Variants in SLC6A8 observed in about 807,000 individuals in gnomAD.
The protein encoded by SLC6A8 is solute carrier family 6 member 8.
A neutral mutation model predicts 48.3 loss-of-function variants in SLC6A8; 6 were observed. The observed-to-expected ratio is 0.12, with a 90% CI of 0.07 to 0.25. The LOEUF is 0.25. SLC6A8 is among the 10% of genes least tolerant of loss of function. The probability of loss-of-function intolerance (pLI) is 1.00; values close to 1 mark genes in which losing one functional copy is unlikely to be tolerated. For synonymous variants in SLC6A8, 245 were observed against 244.0 expected, an observed-to-expected ratio of 1.00 and a Z score of -0.04; for missense variants, 260 against 551.5, an observed-to-expected ratio of 0.47 and a Z score of 5.29.
Position 153,693,077 on chromosome X carries a change from C to T in SLC6A8, c.814C>T (p.Leu272=), listed in dbSNP as rs1569539342. ...CACTGCTACATTCCCCTACGTGGTC[C>T]TGGTCGTGCTGCTGGTGCGTGGAGT... The part of the protein sequence containing the change: ...YFTATFPYVV[L]VVLLVRGVLL... Residue 272 remains leucine, a synonymous_variant, in exon 5 of 13, where the codon CTG becomes TTG. Transcript: ENST00000253122. 8.3e-7 allele frequency: 1 copy of T among 1,210,972 alleles called. No individual in the cohort carries two copies.
At position 153,696,431 on chromosome X, in the gene SLC6A8, A is replaced by G. The variant is rs781992671; in HGVS notation, c.*1217A>G. 9.1e-6 allele frequency: 3 copies of G among 330,444 alleles called. No homozygotes were observed. Among genetic ancestry groups the G allele is most frequent in the Non-Finnish European group, 1.8e-5 (3 of 169,894 alleles). The allele number at this position is 330,444 out of a possible 1,213,427, so 27.2% of individuals were successfully genotyped here. On this transcript the variant is annotated 3_prime_UTR_variant, in exon 13 of 13. Coordinates refer to ENST00000253122, the MANE Select transcript of SLC6A8 (RefSeq NM_005629.4). Reference sequence around the variant, plus strand: ...TAACCCACGTTTGTCTGTCACGTCCAGTCCCGAGACGGCTGAGTGACCCCA... The same window carrying G: ...TAACCCACGTTTGTCTGTCACGTCCGGTCCCGAGACGGCTGAGTGACCCCA...
Position 153,693,249 on chromosome X carries a change from C to T in SLC6A8, c.913-14C>T, listed in dbSNP as rs368054317. On this transcript the variant is annotated splice_polypyrimidine_tract_variant and intron_variant, in intron 5 of 12. Coordinates refer to ENST00000253122, the MANE Select transcript of SLC6A8 (RefSeq NM_005629.4). ...GCAGGCCCCTCATGCCTGCGCTCTC[C>T]GGCCCTTCTCTAGGTGTGGATAGAT... 1.9e-5 allele frequency: 23 copies of T among 1,208,320 alleles called. No individual in the cohort carries two copies. Among genetic ancestry groups the T allele is most frequent in the Admixed American group, 1.1e-4 (5 of 45,993 alleles).
intron 2 of SLC6A8, 69 bp from the exon 3 acceptor site, chrX:153,691,235 G>A: frequency 3.6e-6 from 4 of 1,122,799 alleles, no homozygotes; most frequent in Non-Finnish European, 4.8e-6. Context: ...GCCTGGGTGG[G>A]GACATAAAGG....
At chrX:153,693,737 T>G (rs1457018397) in intron 7 of SLC6A8, 151 bp downstream of exon 7, 30 of 831,872 alleles carry the variant, frequency 3.6e-5, no homozygotes, top group South Asian at 3.1e-4. Context: ...TCCTGGGATT[T>G]GTCAATGTTG....
Position 153,688,694 on chromosome X carries a change from G to C in SLC6A8, c.120G>C (p.Leu40=). 1 of 1,118,769 alleles carries C rather than the reference G, an allele frequency of 8.9e-7. No homozygotes were observed. The highest frequency in any genetic ancestry group is 1.2e-6 in the Non-Finnish European group (1 of 847,288). 92.2% of individuals were successfully genotyped at this position (1,118,769 alleles called of 1,213,427 possible). ...APAKGDGPVG[L]GTPGGRLAVP... ...CCAAGGGCGACGGCCCCGTGGGCCT[G>C]GGGACACCCGGCGGCCGCCTGGCCG... Residue 40 remains leucine (L), a synonymous_variant, in exon 1 of 13, where the codon CTG becomes CTC. Coordinates refer to ENST00000253122, the MANE Select transcript of SLC6A8 (RefSeq NM_005629.4).
chrX:153,693,411 C>T lies in SLC6A8; in HGVS notation c.1016+45C>T, dbSNP rs369760320. Reference sequence around the variant, plus strand: ...CACCCGTGCCCTGTCCTGCCCTGCCCCGCCCTGCCCAGCAGCCTAACCCAT... The same window carrying T: ...CACCCGTGCCCTGTCCTGCCCTGCCTCGCCCTGCCCAGCAGCCTAACCCAT... On this transcript the variant is annotated intron_variant, in intron 6 of 12. Transcript: ENST00000253122. 4 of 1,207,432 alleles carry T rather than the reference C, an allele frequency of 3.3e-6. No homozygotes were observed. In the African/African-American group the frequency reaches 7.0e-5, roughly 21 times the overall value.
At chrX:153,693,198 G>A (rs782463129) in intron 5 of SLC6A8, 23 bp downstream of exon 5, 20 of 1,209,342 alleles carry the variant, frequency 1.7e-5, no homozygotes, top group Non-Finnish European at 2.0e-5. Context: ...TGGAGAGGCT[G>A]CAGCAGGGCG....
Position 153,694,120 on chromosome X carries a change from C to T in SLC6A8, c.1255-10C>T. On this transcript the variant is annotated splice_polypyrimidine_tract_variant and intron_variant, in intron 8 of 12. Coordinates refer to ENST00000253122, the MANE Select transcript of SLC6A8 (RefSeq NM_005629.4). Reference sequence around the variant, plus strand: ...GGTGCGGGGCTCGGCCTGAGCTGCCCTGGCCACAGTTTGTAGGTGTGGAGG... The same window carrying T: ...GGTGCGGGGCTCGGCCTGAGCTGCCTTGGCCACAGTTTGTAGGTGTGGAGG... 1 of 1,210,753 alleles carries T rather than the reference C, an allele frequency of 8.3e-7. No individual in the cohort carries two copies. Among genetic ancestry groups the T allele is most frequent in the Non-Finnish European group, 1.1e-6 (1 of 894,811 alleles).
chrX:153,693,417 T>C lies in SLC6A8; in HGVS notation c.1017-45T>C, dbSNP rs782437746. ...TGCCCTGTCCTGCCCTGCCCCGCCCTGCCCAGCAGCCTAACCCATCCACTC... is the reference window on the plus strand; with the variant it reads ...TGCCCTGTCCTGCCCTGCCCCGCCCCGCCCAGCAGCCTAACCCATCCACTC... On this transcript the variant is annotated intron_variant, in intron 6 of 12. Transcript: ENST00000253122. 3.3e-6 allele frequency: 4 copies of C among 1,206,980 alleles called. No individual in the cohort carries two copies. In the East Asian group the frequency reaches 1.2e-4, roughly 36 times the overall value.
Position 153,691,573 on chromosome X carries a change from G to A in SLC6A8, c.644+20G>A, listed in dbSNP as rs782635587. 5.4e-5 allele frequency: 65 copies of A among 1,209,360 alleles called. No homozygotes were observed. The South Asian group carries it at 1.0e-3, about 19-fold the overall frequency. On this transcript the variant is annotated intron_variant, in intron 3 of 12. Transcript: ENST00000253122. ...CTGGGAGTGAGTCCGGCACCTCTGG[G>A]CCAAGCCCATCCCATCCCCCAGGTC...
chrX:153,695,840 GAGAGTATAT>G lies in SLC6A8; in HGVS notation c.*628_*636del, dbSNP rs1460456969. The G allele has an allele frequency of 7.4e-6, 1 of 135,886 alleles. No homozygotes were observed. Among genetic ancestry groups the G allele is most frequent in the Non-Finnish European group, 1.5e-5 (1 of 67,349 alleles). 11.2% of individuals were successfully genotyped at this position (135,886 alleles called of 1,213,427 possible). A position where few individuals can be genotyped will look rare whatever the true frequency, so the allele number is the denominator to read the frequency against. ...GCGAGTGCACGCGTGCGTGAGTACG[GAGAGTATAT>G]ATAGATCTCTATCTCTTAGCAAAGG... On this transcript the variant is annotated 3_prime_UTR_variant, in exon 13 of 13. Transcript: ENST00000253122.
In SLC6A8 at chrX:153,696,085, A is replaced by AG. The variant is rs2091490043; in HGVS notation, c.*871_*872insG. The AG allele has an allele frequency of 5.3e-6, 1 of 188,831 alleles. No homozygotes were observed. The highest frequency in any genetic ancestry group is 3.0e-5 in the African/African-American group (1 of 33,137). The allele number at this position is 188,831 out of a possible 1,213,427, so 15.6% of individuals were successfully genotyped here. A position where few individuals can be genotyped will look rare whatever the true frequency, so the allele number is the denominator to read the frequency against. ...GTGTGAATTTATAGATCTAACTTTC[A>AG]TAGGCAAAACAAAAGCTTCGAGCTG... is the stretch of plus-strand genomic sequence containing the variant. On this transcript the variant is annotated 3_prime_UTR_variant, in exon 13 of 13. Transcript: ENST00000253122.
rs1205110030 is a variant in SLC6A8 at position 153,696,194 on chromosome X, C to T, written c.*980C>T. On this transcript the variant is annotated 3_prime_UTR_variant, in exon 13 of 13. Transcript: ENST00000253122. ...TTGGAAAAGTGCATGGTGGGGGCCT[C>T]GGGGCTGTCCCCACGCTGTCCCTTT... The T allele has an allele frequency of 1.2e-4, 30 of 253,526 alleles. No individual in the cohort carries two copies. In the East Asian group the frequency reaches 2.6e-3, roughly 22 times the overall value. The allele number at this position is 253,526 out of a possible 1,213,427, so 20.9% of individuals were successfully genotyped here. A position where few individuals can be genotyped will look rare whatever the true frequency, so the allele number is the denominator to read the frequency against.
intron 7 of SLC6A8, 142 bp from the exon 8 acceptor site, chrX:153,693,763 C>T: frequency 2.5e-6 from 2 of 789,911 alleles, no homozygotes; most frequent in South Asian, 2.2e-5. Flanking sequence ...GAAAGGACCT[C>T]CCAGCCCCTG....
At position 153,693,379 on chromosome X, in the gene SLC6A8, G is replaced by A. The variant is rs782016796; in HGVS notation, c.1016+13G>A. On this transcript the variant is annotated intron_variant, in intron 6 of 12. Coordinates refer to ENST00000253122, the MANE Select transcript of SLC6A8 (RefSeq NM_005629.4). ...ACAACTGCTACAAGTAAGCACCGCC[G>A]CCCTGCCACCCGTGCCCTGTCCTGC... 6.6e-6 allele frequency: 8 copies of A among 1,204,740 alleles called. No individual in the cohort carries two copies. The highest frequency in any genetic ancestry group is 4.4e-5 in the Admixed American group (2 of 45,876).
At chrX:153,693,823 C>A in intron 7 of SLC6A8, 82 bp from the exon 8 acceptor site, 1 of 883,984 alleles carries the variant, frequency 1.1e-6, no homozygotes, top group Non-Finnish European at 1.6e-6. Context: ...TGGGCATGGG[C>A]GCGAGTGTTG....
At chrX:153,691,757 C>G (rs181553564) in intron 3 of SLC6A8, among the ~76,000 whole-genome samples, 14 of 112,925 alleles carry the variant, frequency 1.2e-4, no homozygotes, top group South Asian at 3.6e-4. Flanking sequence ...CCTGGTCACT[C>G]CCCCCTGATG....
At chrX:153,693,399 T>C (rs1603216889) in intron 6 of SLC6A8, 33 bp downstream of exon 6, 1 of 1,207,138 alleles carries the variant, frequency 8.3e-7, no homozygotes. Context: ...CCGTGCCCTG[T>C]CCTGCCCTGC....
Position 153,688,029 on chromosome X carries a change from C to T in SLC6A8, c.-546C>T, listed in dbSNP as rs1267632500. 9.3e-6 allele frequency: 1 copy of T among 107,642 alleles called. No individual in the cohort carries two copies. 8.9% of individuals were successfully genotyped at this position (107,642 alleles called of 1,213,427 possible). On this transcript the variant is annotated 5_prime_UTR_variant, in exon 1 of 13. Coordinates refer to ENST00000253122, the MANE Select transcript of SLC6A8 (RefSeq NM_005629.4). ...CGGGAAGGAGAGGGCGAGGCGCGCC[C>T]GAGCCGCCGCCGCCGCCGCCACCGC... is the stretch of plus-strand genomic sequence containing the variant.
Sources: gnomAD v4.1 joint callset for allele counts (sites outside exome capture counted in the v4.1 genomes callset) on GRCh38, gnomAD v4.1.1 for gene constraint, MANE v1.5 for transcripts, NCBI Gene and HGNC (gene_info 2026-07-23, HGNC 2026-07-21) for gene names.